The following NHSL1 variants were observed in gnomAD, a reference collection of about 807,000 sequenced individuals.
NHSL1 encodes the protein NHS-like protein 1.
A neutral mutation model predicts 95.0 loss-of-function variants in NHSL1; 48 were observed. The ratio of observed to expected loss-of-function variants is 0.51; its 90% confidence interval spans 0.40 to 0.64. The LOEUF (loss-of-function observed/expected upper bound fraction) is 0.64. Ranked by LOEUF, NHSL1 falls within the 30% of genes least tolerant of loss-of-function variation. The probability of loss-of-function intolerance (pLI) is 0.00; values close to 1 mark genes in which losing one functional copy is unlikely to be tolerated. For missense variants in NHSL1, 1,971 were observed against 2,077.7 expected, an observed-to-expected ratio of 0.95 and a Z score of 1.00; for synonymous variants, 783 against 833.9, an observed-to-expected ratio of 0.94 and a Z score of 1.05.
chr6:138,437,387 CACATATATATAT>C (rs1776224056), intron 5 of NHSL1, among the ~76,000 whole-genome samples: 1 of 57,512 alleles, frequency 1.7e-5, no homozygotes, highest in Non-Finnish European at 3.3e-5. Context: ...TATATATATA[CACATATATATAT>C]ATATACACAC....
Position 138,571,871 on chromosome 6 carries a change from G to A in NHSL1, c.41C>T (p.Pro14Leu), listed in dbSNP as rs1401540555. The A allele has an allele frequency of 2.6e-6, 4 of 1,551,594 alleles. No homozygotes were observed. In the East Asian group the frequency reaches 7.3e-5, roughly 28 times the overall value. ...AGCACGTGAGAGAGAACCTGTATTC[G>A]GCTGGAGTCTGAAGGAACCTGAAGA... Residue 14 changes from proline (P) to leucine (L), a missense_variant, in exon 1 of 7, where the codon CCG (proline) becomes CTG (leucine). Pro to Leu is a moderately conservative substitution (Grantham distance 98, BLOSUM62 -3). Transcript: ENST00000427025.
chr6:138,662,817 A>G (rs1218697747), intron 1 of NHSL1, among the ~76,000 whole-genome samples: 2 of 152,186 alleles, frequency 1.3e-5, no homozygotes, highest in Admixed American at 1.3e-4. Flanking sequence ...TCAGAAGAAA[A>G]AAAAAATCAG....
intron 1 of NHSL1, among the ~76,000 whole-genome samples, chr6:138,672,019 TA>T (rs2114763577): frequency 6.6e-6 from 1 of 152,172 alleles, no homozygotes; most frequent in African/African-American, 2.4e-5. Flanking sequence ...TACTTAAAAC[TA>T]AAAAACCACA....
intron 1 of NHSL1, among the ~76,000 whole-genome samples, chr6:138,629,826 A>T (rs774637917): frequency 2.0e-5 from 3 of 152,272 alleles, no homozygotes; most frequent in Non-Finnish European, 4.4e-5. Flanking sequence ...ATAAGCAAAC[A>T]CATAGTAAGT....
At chr6:138,453,908 CATAT>C (rs1252720189) in intron 3 of NHSL1, among the ~76,000 whole-genome samples, 12 of 151,430 alleles carry the variant, frequency 7.9e-5, no homozygotes, top group African/African-American at 2.9e-4. Context: ...TTAACTATCC[CATAT>C]TAAGCGATCC....
intron 1 of NHSL1, among the ~76,000 whole-genome samples, chr6:138,647,474 G>A (rs982563324): frequency 2.0e-5 from 3 of 152,048 alleles, no homozygotes; most frequent in East Asian, 1.9e-4. Flanking sequence ...TTTAGAAGCC[G>A]GTGTGCTTGA....
chr6:138,423,536 C>T lies in NHSL1; in HGVS notation c.*545G>A, dbSNP rs1010298206. Reference sequence around the variant, plus strand: ...CACCAGACCTGCCTCACCTCAGCAGCACACGTGTGCATATATCTGTGTGTT... The same window carrying T: ...CACCAGACCTGCCTCACCTCAGCAGTACACGTGTGCATATATCTGTGTGTT... On this transcript the variant is annotated 3_prime_UTR_variant, in exon 8 of 8. Coordinates refer to ENST00000343505, the MANE Select transcript of NHSL1 (RefSeq NM_001144060.2). The T allele has an allele frequency of 2.0e-5, 3 of 152,296 alleles. No individual in the cohort carries two copies. Among genetic ancestry groups the T allele is most frequent in the Non-Finnish European group, 4.4e-5 (3 of 68,066 alleles). 9.4% of individuals were successfully genotyped at this position (152,296 alleles called of 1,614,324 possible).
At chr6:138,627,021 T>G (rs1324956825) in intron 1 of NHSL1, among the ~76,000 whole-genome samples, 1 of 149,964 alleles carries the variant, frequency 6.7e-6, no homozygotes, top group East Asian at 2.0e-4. Context: ...CTGCTGCACA[T>G]AAAACACCTA....
chr6:138,448,688 G>A (rs1027575116), intron 3 of NHSL1, among the ~76,000 whole-genome samples: 1 of 152,176 alleles, frequency 6.6e-6, no homozygotes, highest in African/African-American at 2.4e-5. Flanking sequence ...TACAAGGCAT[G>A]TTTTAACCTT....
intron 3 of NHSL1, among the ~76,000 whole-genome samples, chr6:138,448,400 C>G (rs1358600749): frequency 1.3e-5 from 2 of 152,062 alleles, no homozygotes; most frequent in Non-Finnish European, 2.9e-5. Context: ...ACGGAACTAC[C>G]AATTATGAAA....
chr6:138,478,671 C>T (rs961627929), intron 2 of NHSL1, among the ~76,000 whole-genome samples: 3 of 152,204 alleles, frequency 2.0e-5, no homozygotes, highest in Non-Finnish European at 4.4e-5. Context: ...TGCCTGCGAC[C>T]ACAGGCTAGA....
chr6:138,434,426 CAGAA>C (rs367643411), intron 5 of NHSL1, among the ~76,000 whole-genome samples: 101 of 146,414 alleles, frequency 6.9e-4, no homozygotes, highest in African/African-American at 2.4e-3. Flanking sequence ...AAAAAAAAGA[CAGAA>C]AGAAAGAAAC....
In NHSL1 at chr6:138,523,564, G is replaced by C. The variant is rs9495107; in HGVS notation, c.16+22059C>G. The stretch of plus-strand genomic sequence containing the variant: ...ACTCAAGCCATCTTCCCGCTTTGGC[G>C]TCCCAAAGTGCTGGGATTACAGGCA... On this transcript the variant is annotated intron_variant, in intron 1 of 4. Coordinates refer to the NHSL1 transcript ENST00000342260. Among the ~76,000 whole-genome samples the C allele has an allele frequency of 6.6e-3, 935 of 140,868 alleles. 23 individuals carry two copies. The highest frequency in any genetic ancestry group is 0.056 in the Admixed American group (730 of 13,098). The allele number at this position is 140,868 out of a possible 152,430, so 92.4% of individuals were successfully genotyped here.
intron 1 of NHSL1, among the ~76,000 whole-genome samples, chr6:138,679,976 C>T (rs369522416): frequency 2.0e-5 from 3 of 152,078 alleles, no homozygotes; most frequent in East Asian, 1.9e-4. Context: ...AAGCAATACT[C>T]TCTAGGTTAT....
At chr6:138,630,453 C>T (rs923148995) in intron 1 of NHSL1, among the ~76,000 whole-genome samples, 2 of 151,882 alleles carry the variant, frequency 1.3e-5, no homozygotes, top group Admixed American at 6.6e-5. Flanking sequence ...AGTGCCCAGC[C>T]GAGATCACCG....
rs187127916 is a variant in NHSL1 at position 138,582,194 on chromosome 6, G to A, written c.97-85823C>T. 1.9e-3 allele frequency among the ~76,000 whole-genome samples: 282 copies of A among 152,222 alleles called. 3 individuals are homozygous for A. The highest frequency in any genetic ancestry group is 0.015 in the East Asian group (76 of 5,186). On this transcript the variant is annotated intron_variant, in intron 1 of 3. Coordinates refer to the NHSL1 transcript ENST00000491526. ...TTATAGGCGTGAGCCACTGTGCCTG[G>A]CCCAAAGTGGCCTTAATTTAAAGAG... is the stretch of plus-strand genomic sequence containing the variant.
chr6:138,558,468 G>A (rs968303031), intron 1 of NHSL1, among the ~76,000 whole-genome samples: 6 of 143,774 alleles, frequency 4.2e-5, no homozygotes, highest in Non-Finnish European at 7.5e-5. Context: ...CTGTCGCCCA[G>A]GCTGGAGTGC....
chr6:138,553,937 G>A (rs1474176513), intron 1 of NHSL1, among the ~76,000 whole-genome samples: 1 of 152,112 alleles, frequency 6.6e-6, no homozygotes, highest in African/African-American at 2.4e-5. Flanking sequence ...AATATTTGAA[G>A]GATGATGGAA....
chr6:138,483,493 G>A (rs1403910792), intron 2 of NHSL1, among the ~76,000 whole-genome samples: 1 of 152,164 alleles, frequency 6.6e-6, no homozygotes, highest in African/African-American at 2.4e-5. Context: ...TGTCTTACAT[G>A]TCAAGATTTC....
Sources: allele counts gnomAD v4.1 joint callset (sites outside exome capture counted in the v4.1 genomes callset), GRCh38; gene constraint gnomAD v4.1.1; transcripts MANE v1.5; gene names NCBI Gene and HGNC (gene_info 2026-07-23, HGNC 2026-07-21).